NPAS3: variants seen among roughly 807,000 people sequenced by gnomAD.
NPAS3 encodes the protein neuronal PAS domain protein 3, also known as neuronal PAS domain-containing protein 3.
Under a neutral mutation model 73.1 loss-of-function variants are expected in NPAS3, and 14 were observed. The ratio of observed to expected loss-of-function variants is 0.19; its 90% confidence interval spans 0.13 to 0.30. The LOEUF is 0.30. Among genes scored for constraint, NPAS3 ranks in the 10% least tolerant of loss-of-function variants. NPAS3 has a pLI of 1.00. For synonymous variants in NPAS3, 620 were observed against 541.5 expected (o/e 1.14, Z -2.01); for missense variants, 1,096 against 1,250.0 (o/e 0.88, Z 1.86).
intron 3 of NPAS3, among the ~76,000 whole-genome samples, chr14:33,273,293 C>A (rs1178824191): frequency 2.6e-5 from 4 of 152,184 alleles, no homozygotes; most frequent in Non-Finnish European, 5.9e-5. Flanking sequence ...CCTCTGCTGG[C>A]CTCCCTTAAA....
chr14:33,750,657 A>C (rs1286692829), intron 7 of NPAS3, among the ~76,000 whole-genome samples: 1 of 152,056 alleles, frequency 6.6e-6, no homozygotes, highest in Non-Finnish European at 1.5e-5. Context: ...CCTTTGTTCA[A>C]AGTATTTAGG....
At chr14:33,249,909 C>CAT (rs1566723312) in intron 3 of NPAS3, among the ~76,000 whole-genome samples, 1 of 141,176 alleles carries the variant, frequency 7.1e-6, no homozygotes. Flanking sequence ...ATCTGTCATA[C>CAT]ACACACACAC....
intron 3 of NPAS3, among the ~76,000 whole-genome samples, chr14:33,356,704 G>A (rs1031828304): frequency 6.6e-6 from 1 of 152,190 alleles, no homozygotes; most frequent in Non-Finnish European, 1.5e-5. Flanking sequence ...CTATGGCTGT[G>A]TTTCAGAAGC....
rs71432100 is a variant in NPAS3, at chr14:32,977,356, G to GCACGCACACA, written c.50+37993_50+37994insGCACACACAC. On this transcript the variant is annotated intron_variant, in intron 1 of 11. Transcript: ENST00000356141. ...TTTCTACGAGTTTTGTCTCTGACAC[G>GCACGCACACA]CACACACACACACACACACACACAC... Among the ~76,000 whole-genome samples the GCACGCACACA allele has an allele frequency of 1.5e-3, 213 of 141,534 alleles. 2 individuals are homozygous for GCACGCACACA. The highest frequency in any genetic ancestry group is 0.014 in the South Asian group (61 of 4,366). The allele number at this position is 141,534 out of a possible 152,430, so 92.9% of individuals were successfully genotyped here.
At chr14:33,010,767 A>AAAATAAAT (rs896794572) in intron 1 of NPAS3, among the ~76,000 whole-genome samples, 2 of 151,780 alleles carry the variant, frequency 1.3e-5, no homozygotes, top group Non-Finnish European at 2.9e-5. Flanking sequence ...AGCCTGGGCA[A>AAAATAAAT]AAATAAATAA....
chr14:33,141,032 A>T (rs899214892), intron 2 of NPAS3, among the ~76,000 whole-genome samples: 20 of 152,244 alleles, frequency 1.3e-4, no homozygotes, highest in African/African-American at 4.8e-4. Flanking sequence ...ATTTCTCAAC[A>T]GTTTGTTGTA....
At chr14:33,547,705 AG>A (rs1369403694) in intron 4 of NPAS3, among the ~76,000 whole-genome samples, 1 of 152,226 alleles carries the variant, frequency 6.6e-6, no homozygotes, top group Non-Finnish European at 1.5e-5. Flanking sequence ...AGGGGCACAA[AG>A]ACAGCTGGTC....
intron 4 of NPAS3, among the ~76,000 whole-genome samples, chr14:33,547,419 TG>T (rs1239022914): frequency 1.3e-5 from 2 of 152,184 alleles, no homozygotes; most frequent in African/African-American, 4.8e-5. Context: ...GAGCCATTCT[TG>T]GTCTTCAAAA....
intron 2 of NPAS3, among the ~76,000 whole-genome samples, chr14:33,073,672 G>A: frequency 6.6e-6 from 1 of 152,166 alleles, no homozygotes; most frequent in East Asian, 1.9e-4. Flanking sequence ...TTTCTATTCA[G>A]GATTGACTAG....
chr14:33,341,793 A>C (rs12587497), intron 3 of NPAS3, among the ~76,000 whole-genome samples: 17,635 of 152,178 alleles, frequency 0.12, 2,058 homozygotes, highest in African/African-American at 0.29. Flanking sequence ...TAGCACAGTT[A>C]GGTCCATAAA....
At chr14:33,047,303 T>A (rs1566500960) in intron 1 of NPAS3, among the ~76,000 whole-genome samples, 1 of 152,096 alleles carries the variant, frequency 6.6e-6, no homozygotes, top group Non-Finnish European at 1.5e-5. Flanking sequence ...GTAAAGTTGG[T>A]TAGGAAGAAG....
At chr14:33,639,227 A>G (rs1053092115) in intron 5 of NPAS3, among the ~76,000 whole-genome samples, 2 of 152,172 alleles carry the variant, frequency 1.3e-5, no homozygotes, top group African/African-American at 2.4e-5. Context: ...CAAAAGCCCA[A>G]TGGCTCAATA....
At chr14:33,266,108 T>C (rs936663849) in intron 3 of NPAS3, among the ~76,000 whole-genome samples, 1 of 152,170 alleles carries the variant, frequency 6.6e-6, no homozygotes, top group African/African-American at 2.4e-5. Context: ...AAAAGTGTGA[T>C]GTCCTTTGGG....
intron 4 of NPAS3, among the ~76,000 whole-genome samples, chr14:33,533,162 G>T (rs138010318): frequency 3.9e-5 from 6 of 152,178 alleles, no homozygotes; most frequent in Non-Finnish European, 5.9e-5. Context: ...TGGCAGAGAT[G>T]ATTACTTTAG....
At chr14:33,190,926 G>A (rs2046148621) in intron 2 of NPAS3, among the ~76,000 whole-genome samples, 2 of 152,176 alleles carry the variant, frequency 1.3e-5, no homozygotes, top group Admixed American at 6.5e-5. Flanking sequence ...ATAGATAGCA[G>A]TGCTATTTTT....
At position 33,136,915 on chromosome 14, in the gene NPAS3, G is replaced by A. The variant is rs145154969; in HGVS notation, c.141-78267G>A. ...TTTAACTTTGTTGTAATATGCTCCC[G>A]AAGGACCAGGCTTAAATTTATAGAA... On this transcript the variant is annotated intron_variant, in intron 2 of 11. Coordinates refer to ENST00000356141, the Ensembl canonical transcript of NPAS3. Among the ~76,000 whole-genome samples the A allele has an allele frequency of 1.1e-4, 16 of 152,256 alleles. No individual in the cohort carries two copies. In the East Asian group the frequency reaches 1.9e-3, roughly 18 times the overall value.
intron 5 of NPAS3, among the ~76,000 whole-genome samples, chr14:33,640,999 T>A (rs967532870): frequency 2.6e-5 from 4 of 152,190 alleles, no homozygotes. Flanking sequence ...CAGTTCTCTC[T>A]GTGTGATAGG....
chr14:33,717,540 A>C (rs533596544), intron 6 of NPAS3, among the ~76,000 whole-genome samples: 2 of 152,260 alleles, frequency 1.3e-5, no homozygotes, highest in South Asian at 4.1e-4. Context: ...ATTTCATAAA[A>C]TCTGGAAAAT....
intron 4 of NPAS3, among the ~76,000 whole-genome samples, chr14:33,436,591 A>G (rs2049000280): frequency 6.6e-6 from 1 of 152,230 alleles, no homozygotes; most frequent in African/African-American, 2.4e-5. Context: ...TTTATAAAGC[A>G]GCATTTCAAA....
Sources: allele counts gnomAD v4.1 joint callset (sites outside exome capture counted in the v4.1 genomes callset), GRCh38; gene constraint gnomAD v4.1.1; transcripts MANE v1.5; gene names NCBI Gene and HGNC (gene_info 2026-07-23, HGNC 2026-07-21).